The following HMBOX1 variants were observed in gnomAD, a reference collection of about 807,000 sequenced individuals.
HMBOX1 encodes homeobox-containing protein 1.
HMBOX1 carries 14 observed loss-of-function variants against 54.5 expected under a neutral mutation model. That is an observed-to-expected ratio of 0.26 (90% CI 0.17 to 0.40). The LOEUF (loss-of-function observed/expected upper bound fraction) is 0.40. Ranked by LOEUF, HMBOX1 falls within the 10% of genes least tolerant of loss-of-function variation. HMBOX1 has a pLI of 1.00. For missense variants in HMBOX1, 332 were observed against 514.4 expected (o/e 0.65, Z 3.43); for synonymous variants, 160 against 181.0 (o/e 0.88, Z 0.93).
rs1308364509 is a variant in HMBOX1, at chr8:28,970,833, A to T, written c.500+314A>T. Among the ~76,000 whole-genome samples the T allele has an allele frequency of 1.3e-5, 2 of 152,084 alleles. No individual in the cohort carries two copies. Among genetic ancestry groups the T allele is most frequent in the Non-Finnish European group, 2.9e-5 (2 of 68,016 alleles). ...ATTTCTGACTAACAGACACATTCTA[A>T]TCCTTAAAAATCTGTTGTAAGTACT... On this transcript the variant is annotated intron_variant, in intron 3 of 9. Transcript: ENST00000287701. The surrounding 1 kb of genome is among the most constrained non-coding windows in gnomAD (Gnocchi z 4.3).
intron 1 of HMBOX1, among the ~76,000 whole-genome samples, chr8:28,901,715 C>T (rs996139404): frequency 2.0e-5 from 3 of 152,170 alleles, no homozygotes; most frequent in Admixed American, 6.5e-5. Context: ...GCCAAATTTT[C>T]GTCCCTGTGC....
At chr8:28,972,054 A>G (rs1425624410) in intron 3 of HMBOX1, among the ~76,000 whole-genome samples, 1 of 152,262 alleles carries the variant, frequency 6.6e-6, no homozygotes, top group Admixed American at 6.5e-5. Flanking sequence ...ATATCCTTCA[A>G]ACTGTCCTGA....
intron 6 of HMBOX1, among the ~76,000 whole-genome samples, chr8:29,041,488 G>A (rs1563635350): frequency 6.6e-6 from 1 of 152,150 alleles, no homozygotes; most frequent in Non-Finnish European, 1.5e-5. Context: ...ATTCAGACTT[G>A]TACCCTGGCA....
intron 1 of HMBOX1, among the ~76,000 whole-genome samples, chr8:28,899,240 T>C (rs1812745528): frequency 6.6e-6 from 1 of 152,218 alleles, no homozygotes; most frequent in East Asian, 1.9e-4. Flanking sequence ...ACTAACCTAC[T>C]AAGCATGAAA....
chr8:29,019,132 T>G lies in HMBOX1; in HGVS notation c.851+219T>G, dbSNP rs186457981. ...GTTAGCATCTGTCAATTTATTTTAC[T>G]TATAATAGTGTCCCCAGTAATTTAA... is the stretch of plus-strand genomic sequence containing the variant. On this transcript the variant is annotated intron_variant, in intron 6 of 9. Transcript: ENST00000287701. 2.9e-3 allele frequency among the ~76,000 whole-genome samples: 449 copies of G among 152,324 alleles called. 4 individuals carry two copies. Among genetic ancestry groups the G allele is most frequent in the Non-Finnish European group, 4.5e-3 (303 of 68,014 alleles).
intron 6 of HMBOX1, among the ~76,000 whole-genome samples, chr8:29,020,279 C>G (rs747903443): frequency 2.6e-4 from 39 of 152,206 alleles, no homozygotes; most frequent in Non-Finnish European, 5.0e-4. Flanking sequence ...TCTAATTGTG[C>G]TAGTGACTTA....
At chr8:28,966,064 G>A (rs1332242735) in intron 2 of HMBOX1, among the ~76,000 whole-genome samples, 1 of 152,070 alleles carries the variant, frequency 6.6e-6, no homozygotes, top group African/African-American at 2.4e-5. Flanking sequence ...TGCTTTACAA[G>A]TAAGATAGTA....
rs532135559 is a variant in HMBOX1 at position 29,019,040 on chromosome 8, T to A, written c.851+127T>A. On this transcript the variant is annotated intron_variant, in intron 6 of 9. Coordinates refer to ENST00000287701, the MANE Select transcript of HMBOX1 (RefSeq NM_001135726.3). ...CTTGGTTCTATCTCTAAAAGTACTT[T>A]AGAATATCATAAATGCTGTATTATA... is the stretch of plus-strand genomic sequence containing the variant. 24 of 711,496 alleles carry A rather than the reference T, an allele frequency of 3.4e-5. No individual in the cohort carries two copies. In the African/African-American group the frequency reaches 4.3e-4, roughly 13 times the overall value. The allele number at this position is 711,496 out of a possible 1,614,324, so 44.1% of individuals were successfully genotyped here. A position where few individuals can be genotyped will look rare whatever the true frequency, so the allele number is the denominator to read the frequency against.
intron 4 of HMBOX1, among the ~76,000 whole-genome samples, chr8:28,980,936 C>A (rs1829233587): frequency 6.6e-6 from 1 of 152,116 alleles, no homozygotes; most frequent in South Asian, 2.1e-4. Flanking sequence ...AATTAATTCT[C>A]CCCTCCTTTT....
In HMBOX1 at chr8:29,051,161, G is replaced by A. The variant is rs1806388939; in HGVS notation, c.*6G>A. ...AGGCCCTGGATGATGACTGATCAGG[G>A]AGGTTAAACATGACAAGTTAACTTA... On this transcript the variant is annotated 3_prime_UTR_variant, in exon 10 of 10. Transcript: ENST00000287701. 1.9e-6 allele frequency: 3 copies of A among 1,613,366 alleles called. No homozygotes were observed. Among genetic ancestry groups the A allele is most frequent in the Non-Finnish European group, 2.5e-6 (3 of 1,179,818 alleles).
intron 1 of HMBOX1, among the ~76,000 whole-genome samples, chr8:28,944,422 A>G (rs1177026476): frequency 1.3e-5 from 2 of 152,222 alleles, no homozygotes; most frequent in African/African-American, 4.8e-5. Flanking sequence ...GATCATTGAT[A>G]CTGGTTAAGT....
Position 28,970,016 on chromosome 8 carries a change from G to T in HMBOX1, c.24-27G>T. 1 of 1,405,826 alleles carries T rather than the reference G, an allele frequency of 7.1e-7. No individual in the cohort carries two copies. Among genetic ancestry groups the T allele is most frequent in the South Asian group, 1.2e-5 (1 of 82,324 alleles). The allele number at this position is 1,405,826 out of a possible 1,614,324, so 87.1% of individuals were successfully genotyped here. A position where few individuals can be genotyped will look rare whatever the true frequency, so the allele number is the denominator to read the frequency against. Reference sequence around the variant, plus strand: ...CTTTGGTAGATACTGTCAATAAAGAGACTTCTTTTTATCTCTTTTTTTTTA... The same window carrying T: ...CTTTGGTAGATACTGTCAATAAAGATACTTCTTTTTATCTCTTTTTTTTTA... On this transcript the variant is annotated intron_variant, in intron 2 of 9. Coordinates refer to ENST00000287701, the MANE Select transcript of HMBOX1 (RefSeq NM_001135726.3). This position sits in a 1 kb window ranked among gnomAD's most constrained non-coding sequence, Gnocchi z 4.3.
intron 5 of HMBOX1, among the ~76,000 whole-genome samples, chr8:29,017,841 T>G (rs1800561429): frequency 6.6e-6 from 1 of 152,184 alleles, no homozygotes; most frequent in Non-Finnish European, 1.5e-5. Flanking sequence ...AAAGAGAGTA[T>G]TAATTCTATT....
intron 3 of HMBOX1, among the ~76,000 whole-genome samples, chr8:28,974,333 T>C (rs1444393218): frequency 6.6e-6 from 1 of 152,180 alleles, no homozygotes; most frequent in Non-Finnish European, 1.5e-5. Flanking sequence ...TTTTAATGTT[T>C]AAAAATGCAT....
intron 2 of HMBOX1, among the ~76,000 whole-genome samples, chr8:28,965,057 T>A (rs538366792): frequency 9.2e-5 from 14 of 152,240 alleles, no homozygotes; most frequent in Non-Finnish European, 1.8e-4. Flanking sequence ...AGTTAAGACG[T>A]CTAATGGCTA....
At chr8:28,916,589 T>C (rs1008115956) in intron 1 of HMBOX1, among the ~76,000 whole-genome samples, 1 of 152,206 alleles carries the variant, frequency 6.6e-6, no homozygotes, top group South Asian at 2.1e-4. Context: ...TTGAATTGAC[T>C]TTACACCTTT....
Position 28,970,271 on chromosome 8 carries a change from T to C in HMBOX1, c.252T>C (p.Ser84=). ...NSTNNVPASS[S]TATASTQTQH... Reference sequence around the variant, plus strand: ...CTAACAATGTCCCAGCATCTTCCTCTACAGCTACAGCTTCCACACAGACGC... The same window carrying C: ...CTAACAATGTCCCAGCATCTTCCTCCACAGCTACAGCTTCCACACAGACGC... The change falls in exon 3 of 10, where the codon TCT becomes TCC. Residue 84 remains serine, a synonymous_variant. Coordinates refer to ENST00000287701, the MANE Select transcript of HMBOX1 (RefSeq NM_001135726.3). This position sits in a 1 kb window ranked among gnomAD's most constrained non-coding sequence, Gnocchi z 4.3. The C allele has an allele frequency of 6.2e-7, 1 of 1,614,218 alleles. No homozygotes were observed. Among genetic ancestry groups the C allele is most frequent in the Non-Finnish European group, 8.5e-7 (1 of 1,180,016 alleles).
At chr8:28,997,623 T>A (rs1832063102) in intron 4 of HMBOX1, among the ~76,000 whole-genome samples, 1 of 152,192 alleles carries the variant, frequency 6.6e-6, no homozygotes, top group Admixed American at 6.5e-5. Flanking sequence ...CAGGGCTCAC[T>A]ACAGCCTTGA....
rs550761036 is a variant in HMBOX1, at chr8:28,977,876, G to A, written c.501-2195G>A. On this transcript the variant is annotated intron_variant, in intron 3 of 9. Coordinates refer to ENST00000287701, the MANE Select transcript of HMBOX1 (RefSeq NM_001135726.3). ...GGAGAATGACGTGAACCCGGGAGGC[G>A]GAGCTTGCAGTGAGCCAGTATCGCG... 3.3e-5 allele frequency among the ~76,000 whole-genome samples: 5 copies of A among 151,732 alleles called. No homozygotes were observed. In the East Asian group the frequency reaches 9.7e-4, roughly 29 times the overall value.
Sources: allele counts gnomAD v4.1 joint callset (sites outside exome capture counted in the v4.1 genomes callset), GRCh38; gene constraint gnomAD v4.1.1; non-coding constraint Gnocchi (gnomAD v3.1); transcripts MANE v1.5; gene names NCBI Gene and HGNC (gene_info 2026-07-23, HGNC 2026-07-21).